ZNF554: variants seen among roughly 807,000 people sequenced by gnomAD.
ZNF554 encodes zinc finger protein 554.
ZNF554 carries 15 observed loss-of-function variants against 21.2 expected under a neutral mutation model. The ratio of observed to expected loss-of-function variants is 0.71; its 90% confidence interval spans 0.47 to 1.09. The LOEUF (loss-of-function observed/expected upper bound fraction) is 1.09. Among genes scored for constraint, ZNF554 ranks in the 50% least tolerant of loss-of-function variants. The pLI, the probability that ZNF554 is intolerant of heterozygous loss-of-function variation, is 0.00. For synonymous variants in ZNF554, 258 were observed against 251.4 expected (o/e 1.03, Z -0.25); for missense variants, 691 against 662.7 (o/e 1.04, Z -0.47).
rs955214601 is a variant in ZNF554, at chr19:2,835,200, C to T, written c.*348C>T. Reference sequence around the variant, plus strand: ...TTATTATAGAGTGGGAGGCAGGGTGCGGTGGCTCATGCCTATAATCCTAAC... The same window carrying T: ...TTATTATAGAGTGGGAGGCAGGGTGTGGTGGCTCATGCCTATAATCCTAAC... On this transcript the variant is annotated 3_prime_UTR_variant, in exon 5 of 5. Transcript: ENST00000317243. 4.4e-5 allele frequency: 9 copies of T among 205,880 alleles called. No individual in the cohort carries two copies. The highest frequency in any genetic ancestry group is 2.6e-4 in the Admixed American group (5 of 19,190). The allele number at this position is 205,880 out of a possible 1,614,324, so 12.8% of individuals were successfully genotyped here. A position where few individuals can be genotyped will look rare whatever the true frequency, so the allele number is the denominator to read the frequency against.
At position 2,836,323 on chromosome 19, in the gene ZNF554, G is replaced by C. The variant is rs2087496772; in HGVS notation, c.*1471G>C. ...ATTACAGGTGTGAGCCACCCTGCTG[G>C]GATTATGGGTGCGAGCCGCCGTGCT... is the stretch of plus-strand genomic sequence containing the variant. On this transcript the variant is annotated 3_prime_UTR_variant, in exon 5 of 5. Coordinates refer to ENST00000317243, the MANE Select transcript of ZNF554 (RefSeq NM_001102651.2). Among the ~76,000 whole-genome samples the C allele has an allele frequency of 6.6e-6, 1 of 152,108 alleles. No homozygotes were observed. The highest frequency in any genetic ancestry group is 2.1e-4 in the South Asian group (1 of 4,832).
intron 1 of ZNF554, among the ~76,000 whole-genome samples, chr19:2,822,448 C>G (rs1364234941): frequency 2.0e-5 from 3 of 152,136 alleles, no homozygotes; most frequent in Non-Finnish European, 4.4e-5. Flanking sequence ...TTTTAAGCCC[C>G]CGGGTTACTG....
chr19:2,832,215 C>A, intron 3 of ZNF554, 88 bp from the exon 4 acceptor site: 1 of 1,348,150 alleles, frequency 7.4e-7, no homozygotes, highest in Non-Finnish European at 1.0e-6. Flanking sequence ...AGTGAGCCAC[C>A]ATGCCTGGCA....
Position 2,834,573 on chromosome 19 carries a change from T to C in ZNF554, c.1338T>C (p.Ser446=), listed in dbSNP as rs768524159. ...GCAGTGAATGTGGAAAGGCCTTCAG[T>C]GACCGTTCCTCTCTCAACCAGCACG... The part of the protein sequence containing the change: ...YECSECGKAF[S]DRSSLNQHER... Residue 446 remains serine, a synonymous_variant, in exon 5 of 5, where the codon AGT becomes AGC. Transcript: ENST00000317243. The C allele has an allele frequency of 4.3e-6, 7 of 1,614,064 alleles. No individual in the cohort carries two copies. The highest frequency in any genetic ancestry group is 1.3e-5 in the African/African-American group (1 of 75,010).
chr19:2,820,093 G>T lies in ZNF554; in HGVS notation c.22G>T (p.Gly8Cys). 8.2e-7 allele frequency: 1 copy of T among 1,216,738 alleles called. No homozygotes were observed. Among genetic ancestry groups the T allele is most frequent in the Non-Finnish European group, 1.0e-6 (1 of 977,866 alleles). The allele number at this position is 1,216,738 out of a possible 1,614,324, so 75.4% of individuals were successfully genotyped here. ...CCCGATGGTCACCTGCGCCCACCTGGGCCGGCGCGCGCGGCTCCCGGCAGC... is the reference window on the plus strand; with the variant it reads ...CCCGATGGTCACCTGCGCCCACCTGTGCCGGCGCGCGCGGCTCCCGGCAGC... MVTCAHL[G>C]RRARLPAAQP... is the part of the protein sequence containing the mutation. Residue 8 changes from glycine to cysteine, a missense_variant, in exon 1 of 5, where the codon GGC (glycine) becomes TGC (cysteine). Physicochemically the swap from Gly to Cys is radical, Grantham distance 159. Transcript: ENST00000317243.
intron 2 of ZNF554, among the ~76,000 whole-genome samples, chr19:2,825,020 T>G (rs1457354136): frequency 2.0e-5 from 3 of 149,246 alleles, no homozygotes; most frequent in African/African-American, 4.9e-5. Flanking sequence ...TTTTTTTTTT[T>G]TTTTTTTTTT....
chr19:2,833,963 AC>A lies in ZNF554; in HGVS notation c.729del (p.Leu244CysfsTer6). 6.2e-7 allele frequency: 1 copy of A among 1,614,114 alleles called. No individual in the cohort carries two copies. Among genetic ancestry groups the A allele is most frequent in the Non-Finnish European group, 8.5e-7 (1 of 1,180,044 alleles). On this transcript the variant is annotated frameshift_variant, in exon 5 of 5. Coordinates refer to ENST00000317243, the MANE Select transcript of ZNF554 (RefSeq NM_001102651.2). LOFTEE classifies it low-confidence loss of function (END_TRUNC). ...VLSQGSSKGN[H>X]LCGSELDITS... ...TCACAGGGAAGCTCTAAAGGGAACCACTTGTGTGGCAGCGAGTTAGATATTA... is the reference window on the plus strand; with the variant it reads ...TCACAGGGAAGCTCTAAAGGGAACCATTGTGTGGCAGCGAGTTAGATATTA...
chr19:2,823,461 T>C (rs1324268776), intron 2 of ZNF554, among the ~76,000 whole-genome samples: 1 of 152,130 alleles, frequency 6.6e-6, no homozygotes, highest in Non-Finnish European at 1.5e-5. Context: ...AAGAGTTGTA[T>C]TTACTGTTAG....
In ZNF554 at chr19:2,834,269, T is replaced by A; in HGVS notation, c.1034T>A (p.Ile345Asn). The change falls in exon 5 of 5, where the codon ATT becomes AAT. Residue 345 changes from isoleucine (I) to asparagine (N), a missense_variant. Transcript: ENST00000317243. ...CATTCTTTGAGCGAACATCAAAGAA[T>A]TCACACGGGGGAGAAACCCTACGAG... ...RRHSLSEHQR[I>N]HTGEKPYECQ... 6.2e-7 allele frequency: 1 copy of A among 1,614,086 alleles called. No individual in the cohort carries two copies. Among genetic ancestry groups the A allele is most frequent in the Non-Finnish European group, 8.5e-7 (1 of 1,180,042 alleles).
At chr19:2,825,387 G>A (rs968667278) in intron 2 of ZNF554, among the ~76,000 whole-genome samples, 8 of 152,136 alleles carry the variant, frequency 5.3e-5, no homozygotes, top group Non-Finnish European at 7.4e-5. Flanking sequence ...CTCAGCTCAC[G>A]CTGAGATCCC....
intron 3 of ZNF554, 99 bp from the exon 4 acceptor site, chr19:2,832,204 G>C: frequency 8.0e-7 from 1 of 1,242,624 alleles, no homozygotes; most frequent in Non-Finnish European, 1.1e-6. Context: ...GGGATTACAG[G>C]AGTGAGCCAC....
At position 2,834,969 on chromosome 19, in the gene ZNF554, C is replaced by T. The variant is rs560932452; in HGVS notation, c.*117C>T. ...AAGTGGGTTTATGTCACCTTCTCAC[C>T]TTCTTATAAGAAAGCTCTGAGAATG... On this transcript the variant is annotated 3_prime_UTR_variant, in exon 5 of 5. Coordinates refer to ENST00000317243, the MANE Select transcript of ZNF554 (RefSeq NM_001102651.2). The T allele has an allele frequency of 1.2e-4, 116 of 937,820 alleles. 3 individuals are homozygous for T. In the South Asian group the frequency reaches 2.0e-3, roughly 16 times the overall value. 58.1% of individuals were successfully genotyped at this position (937,820 alleles called of 1,614,324 possible).
At position 2,821,123 on chromosome 19, in the gene ZNF554, C is replaced by T. The variant is rs566418435; in HGVS notation, c.53+999C>T. On this transcript the variant is annotated intron_variant, in intron 1 of 4. Transcript: ENST00000317243. The surrounding 1 kb of genome is among the most constrained non-coding windows in gnomAD (Gnocchi z 8.2). ...TTTTTTTTTCTTGAGACAGTCTCGC[C>T]CTATTGCCCAGGCTGGAGTGCAGTT... Among the ~76,000 whole-genome samples, 112 of 151,238 alleles carry T rather than the reference C, an allele frequency of 7.4e-4. 2 individuals are homozygous for T. Among genetic ancestry groups the T allele is most frequent in the African/African-American group, 2.5e-3 (104 of 40,948 alleles).
intron 3 of ZNF554, among the ~76,000 whole-genome samples, chr19:2,828,908 C>T (rs1205561541): frequency 6.6e-6 from 1 of 152,104 alleles, no homozygotes; most frequent in Non-Finnish European, 1.5e-5. Context: ...CATCACCTCC[C>T]ATCAGGTACC....
intron 4 of ZNF554, 57 bp downstream of exon 4, chr19:2,832,551 G>A: frequency 6.6e-7 from 1 of 1,514,808 alleles, no homozygotes; most frequent in Non-Finnish European, 8.9e-7. Flanking sequence ...GGGAAACATT[G>A]GTCAGAGAGC....
chr19:2,834,510 G>C lies in ZNF554; in HGVS notation c.1275G>C (p.Leu425Phe). ...TCTGCCAGAGCTCTTACCTGATCTT[G>C]CACAAGAGGACACACACCGGAGAGA... ...KSFCQSSYLI[L>F]HKRTHTGEKP... Residue 425 changes from leucine to phenylalanine, a missense_variant, in exon 5 of 5, where the codon TTG becomes TTC. Leu to Phe is a conservative substitution (Grantham distance 22, BLOSUM62 0). Transcript: ENST00000317243. The C allele has an allele frequency of 6.2e-7, 1 of 1,613,950 alleles. No individual in the cohort carries two copies.
rs776258360 is a variant in ZNF554 at position 2,834,292 on chromosome 19, G to A, written c.1057G>A (p.Glu353Lys). 1.5e-5 allele frequency: 24 copies of A among 1,613,864 alleles called. No individual in the cohort carries two copies. Among genetic ancestry groups the A allele is most frequent in the South Asian group, 2.2e-5 (2 of 91,082 alleles). ...QRIHTGEKPY[E>K]CQECGRAFTH... Reference sequence around the variant, plus strand: ...AATTCACACGGGGGAGAAACCCTACGAGTGTCAGGAGTGTGGGCGAGCCTT... The same window carrying A: ...AATTCACACGGGGGAGAAACCCTACAAGTGTCAGGAGTGTGGGCGAGCCTT... The change falls in exon 5 of 5, where the codon GAG becomes AAG. Residue 353 changes from glutamate to lysine, a missense_variant. By Grantham distance (56) the Glu-to-Lys change is moderately conservative. Transcript: ENST00000317243.
intron 3 of ZNF554, among the ~76,000 whole-genome samples, chr19:2,829,454 A>G (rs530568372): frequency 1.7e-3 from 257 of 152,184 alleles, no homozygotes; most frequent in Non-Finnish European, 3.3e-3. Context: ...CTTGACCAAC[A>G]TGGAGAAACC....
chr19:2,833,580 C>G, intron 4 of ZNF554, 101 bp from the exon 5 acceptor site: 1 of 975,778 alleles, frequency 1.0e-6, no homozygotes, highest in Non-Finnish European at 1.5e-6. Context: ...GAACATCAGT[C>G]CGCACAGGCC....
Sources: allele counts gnomAD v4.1 joint callset (sites outside exome capture counted in the v4.1 genomes callset), GRCh38; gene constraint gnomAD v4.1.1; non-coding constraint Gnocchi (gnomAD v3.1); transcripts MANE v1.5; gene names NCBI Gene and HGNC (gene_info 2026-07-23, HGNC 2026-07-21).